Variants in AOPEP observed in about 807,000 individuals in gnomAD.
The protein encoded by AOPEP is aminopeptidase O.
A neutral mutation model predicts 98.1 loss-of-function variants in AOPEP; 77 were observed. That is an observed-to-expected ratio of 0.78 (90% confidence interval 0.65 to 0.95). The LOEUF (loss-of-function observed/expected upper bound fraction) is 0.95. Ranked by LOEUF, AOPEP falls within the 40% of genes least tolerant of loss-of-function variation. The pLI, the probability that AOPEP is intolerant of heterozygous loss-of-function variation, is 0.00. For synonymous variants in AOPEP, 346 were observed against 365.3 expected, an observed-to-expected ratio of 0.95 and a Z score of 0.60; for missense variants, 1,024 against 1,024.7, an observed-to-expected ratio of 1.00 and a Z score of 0.01.
rs1346186358 is a variant in AOPEP, at chr9:94,955,901, C to A, written c.1765-7C>A. On this transcript the variant is annotated splice_polypyrimidine_tract_variant and splice_region_variant and intron_variant, in intron 8 of 16. Coordinates refer to ENST00000375315, the MANE Select transcript of AOPEP (RefSeq NM_001193329.3). ...CTCTTTTTCTCTCTCTTTTTTCTTT[C>A]TTCTAGGGCTACTTCCTTCTTCGGT... The A allele has an allele frequency of 1.9e-6, 3 of 1,596,588 alleles. No homozygotes were observed. The highest frequency in any genetic ancestry group is 2.6e-6 in the Non-Finnish European group (3 of 1,169,386).
At chr9:94,800,611 C>A in intron 4 of AOPEP, 146 bp from the exon 5 acceptor site, 1 of 829,316 alleles carries the variant, frequency 1.2e-6, no homozygotes, top group Non-Finnish European at 2.0e-6. Context: ...CAGAGCCAGT[C>A]AAGCCAAGAA....
At chr9:94,869,807 A>T (rs1408020283) in intron 5 of AOPEP, among the ~76,000 whole-genome samples, 1 of 152,092 alleles carries the variant, frequency 6.6e-6, no homozygotes, top group African/African-American at 2.4e-5. Context: ...TTAGGTAATC[A>T]TTGCCCAATC....
chr9:95,067,921 G>C (rs1392089011), intron 14 of AOPEP, among the ~76,000 whole-genome samples: 1 of 152,100 alleles, frequency 6.6e-6, no homozygotes, highest in Non-Finnish European at 1.5e-5. Flanking sequence ...CACATAAATG[G>C]AATTATATAT....
intron 10 of AOPEP, among the ~76,000 whole-genome samples, chr9:94,971,658 C>T (rs1193171392): frequency 6.6e-6 from 1 of 152,206 alleles, no homozygotes; most frequent in Non-Finnish European, 1.5e-5. Flanking sequence ...GGCCGGCACT[C>T]TCTAGGCCTT....
intron 5 of AOPEP, chr9:94,824,260 G>C (rs10732405): frequency 6.6e-6 from 1 of 152,236 alleles, no homozygotes; most frequent in Non-Finnish European, 1.5e-5. Context: ...CTTTAGTTTT[G>C]CTTCTCTCTA....
chr9:95,077,834 C>G lies in AOPEP; in HGVS notation c.2233-2860C>G, dbSNP rs763108312. Among the ~76,000 whole-genome samples the G allele has an allele frequency of 2.2e-4, 33 of 152,066 alleles. 1 individual carries two copies. Among genetic ancestry groups the G allele is most frequent in the Non-Finnish European group, 4.4e-5 (3 of 68,016 alleles). On this transcript the variant is annotated intron_variant, in intron 14 of 16. Coordinates refer to ENST00000375315, the MANE Select transcript of AOPEP (RefSeq NM_001193329.3). The stretch of plus-strand genomic sequence containing the variant: ...GACGAATGGCATGCGAATTGTGGGT[C>G]CTTGAGAGTTTGGGGGATAAAAATA...
downstream of AOPEP, among the ~76,000 whole-genome samples, chr9:95,091,058 G>A (rs187044814): frequency 7.0e-4 from 106 of 152,300 alleles, no homozygotes; most frequent in Admixed American, 1.2e-3. Context: ...GAGGCCGAGG[G>A]GAGGGACCTG....
chr9:94,733,508 G>A (rs1386162821), intron 1 of AOPEP, among the ~76,000 whole-genome samples: 1 of 152,150 alleles, frequency 6.6e-6, no homozygotes, highest in Non-Finnish European at 1.5e-5. Context: ...CTCATGGCAA[G>A]CACTTTAAAC....
downstream of AOPEP, among the ~76,000 whole-genome samples, chr9:95,088,507 CCT>C (rs59531935): frequency 1.7e-3 from 257 of 148,874 alleles, 4 homozygotes; most frequent in East Asian, 0.018. Context: ...CTGTACCCGG[CCT>C]CTCTCTCTCT....
At chr9:95,089,946 C>A (rs2070843388), downstream of AOPEP, among the ~76,000 whole-genome samples, 2 of 152,220 alleles carry the variant, frequency 1.3e-5, no homozygotes, top group Non-Finnish European at 2.9e-5. Flanking sequence ...TGGAGGGTCC[C>A]CACAAGACAC....
At chr9:95,005,670 C>A in intron 13 of AOPEP, 54 bp downstream of exon 13, 1 of 1,370,980 alleles carries the variant, frequency 7.3e-7, no homozygotes, top group Non-Finnish European at 1.0e-6. Context: ...CCGCTTCTGC[C>A]CCGTGAGGAC....
At chr9:94,726,859 A>C (rs1243954658) in intron 1 of AOPEP, 108 bp downstream of exon 1, 2 of 152,370 alleles carry the variant, frequency 1.3e-5, no homozygotes, top group African/African-American at 2.4e-5. Flanking sequence ...ACCCTCCCTT[A>C]CCCTCACTTT....
At chr9:94,875,357 A>AAAAAAAAAAAAAAG (rs2046822206) in intron 5 of AOPEP, among the ~76,000 whole-genome samples, 1 of 147,454 alleles carries the variant, frequency 6.8e-6, no homozygotes, top group Non-Finnish European at 1.5e-5. Context: ...GAAAAAAAAA[A>AAAAAAAAAAAAAAG]AAAAAAAAAA....
intron 3 of AOPEP, among the ~76,000 whole-genome samples, chr9:94,785,196 A>G (rs1466026776): frequency 6.6e-6 from 1 of 152,214 alleles, no homozygotes; most frequent in Non-Finnish European, 1.5e-5. Context: ...CGGCCTCCCA[A>G]AGTGCTGGGA....
rs567571893 is a variant in AOPEP at position 94,736,419 on chromosome 9, G to A, written c.-136+9668G>A. Among the ~76,000 whole-genome samples the A allele has an allele frequency of 1.3e-3, 199 of 152,194 alleles. 1 individual carries two copies. Among genetic ancestry groups the A allele is most frequent in the African/African-American group, 3.9e-3 (161 of 41,514 alleles). ...TATTCTTTAGCATTTCTGGGGAGGA[G>A]GAACTCTTACTGAAAAAGCTGGTAT... On this transcript the variant is annotated intron_variant, in intron 1 of 16. Transcript: ENST00000375315.
At chr9:94,940,287 A>T (rs1012538468) in intron 7 of AOPEP, among the ~76,000 whole-genome samples, 1 of 152,194 alleles carries the variant, frequency 6.6e-6, no homozygotes, top group Non-Finnish European at 1.5e-5. Context: ...ATCACAGGCA[A>T]TTGCTGTTTT....
intron 12 of AOPEP, 124 bp downstream of exon 12, chr9:95,005,344 GGC>G (rs1194547293): frequency 1.4e-6 from 1 of 727,826 alleles, no homozygotes. Context: ...CTCCGGCTCG[GGC>G]GCGGGGAGCG....
At chr9:95,034,268 T>G (rs1158635247) in intron 13 of AOPEP, among the ~76,000 whole-genome samples, 1 of 152,238 alleles carries the variant, frequency 6.6e-6, no homozygotes, top group Non-Finnish European at 1.5e-5. Context: ...ATATAGTAAT[T>G]TGGACAGGTG....
intron 7 of AOPEP, among the ~76,000 whole-genome samples, chr9:94,937,718 C>G (rs1487823962): frequency 6.6e-6 from 1 of 152,192 alleles, no homozygotes; most frequent in South Asian, 2.1e-4. Flanking sequence ...CCCAGAAACT[C>G]TCAGACCCTA....
Sources: gnomAD v4.1 joint callset for allele counts (sites outside exome capture counted in the v4.1 genomes callset) on GRCh38, gnomAD v4.1.1 for gene constraint, MANE v1.5 for transcripts, NCBI Gene and HGNC (gene_info 2026-07-23, HGNC 2026-07-21) for gene names.